Variants in CCSER1 observed in about 807,000 individuals in gnomAD.
CCSER1 encodes the protein serine-rich coiled-coil domain-containing protein 1.
CCSER1 carries 41 observed loss-of-function variants against 82.0 expected under a neutral mutation model. The ratio of observed to expected loss-of-function variants is 0.50; its 90% CI spans 0.39 to 0.65. The LOEUF (loss-of-function observed/expected upper bound fraction) is 0.65, where lower values mean the gene tolerates loss of function less well. Among genes scored for constraint, CCSER1 ranks in the 30% least tolerant of loss-of-function variants. The probability of loss-of-function intolerance (pLI) is 0.00; values close to 1 mark genes in which losing one functional copy is unlikely to be tolerated. For missense variants in CCSER1, 1,119 were observed against 1,064.2 expected, an observed-to-expected ratio of 1.05 and a Z score of -0.72; for synonymous variants, 414 against 383.9, an observed-to-expected ratio of 1.08 and a Z score of -0.92.
At chr4:90,911,285 G>A (rs1241433543) in intron 8 of CCSER1, 1 of 456,086 alleles carries the variant, frequency 2.2e-6, no homozygotes, top group Admixed American at 2.3e-5. Context: ...CATGAGAGGA[G>A]GTTTTATTTG....
intron 10 of CCSER1, among the ~76,000 whole-genome samples, chr4:91,519,711 T>C (rs1760346949): frequency 6.6e-6 from 1 of 152,202 alleles, no homozygotes; most frequent in Non-Finnish European, 1.5e-5. Context: ...TATTTCCCTA[T>C]GGAGGGGGTG....
intron 7 of CCSER1, among the ~76,000 whole-genome samples, chr4:90,728,555 C>T (rs1301219665): frequency 6.6e-6 from 1 of 152,094 alleles, no homozygotes; most frequent in African/African-American, 2.4e-5. Context: ...TTTTTGTAGG[C>T]TGGGTGTAGT....
chr4:91,546,846 A>G (rs184692600), intron 10 of CCSER1, among the ~76,000 whole-genome samples: 170 of 152,012 alleles, frequency 1.1e-3, no homozygotes, highest in African/African-American at 3.5e-3. Flanking sequence ...CCTTTTTTCT[A>G]ATATATGCAT....
rs542908468 is a variant in CCSER1, at chr4:90,763,676, G to A, written c.2010+39685G>A. Among the ~76,000 whole-genome samples the A allele has an allele frequency of 8.5e-5, 13 of 152,216 alleles. No homozygotes were observed. In the South Asian group the frequency reaches 1.5e-3, roughly 17 times the overall value. On this transcript the variant is annotated intron_variant, in intron 7 of 10. Transcript: ENST00000509176. ...GTTCTGCCCATTTCATGCCGTGCTA[G>A]AGATGTAAGCACTTTGGGAAGAACT...
intron 7 of CCSER1, among the ~76,000 whole-genome samples, chr4:90,815,386 C>T (rs1279680059): frequency 6.6e-6 from 1 of 152,132 alleles, no homozygotes; most frequent in African/African-American, 2.4e-5. Context: ...AGAGTTATTT[C>T]TGTTCTACTT....
chr4:90,527,404 C>T (rs1773926673), intron 5 of CCSER1, among the ~76,000 whole-genome samples: 1 of 152,162 alleles, frequency 6.6e-6, no homozygotes, highest in Admixed American at 6.5e-5. Flanking sequence ...GATATCATCT[C>T]ATGCCAGTTA....
intron 8 of CCSER1, among the ~76,000 whole-genome samples, chr4:90,906,034 C>T (rs892533855): frequency 6.6e-6 from 1 of 152,050 alleles, no homozygotes; most frequent in African/African-American, 2.4e-5. Context: ...TACAGATACT[C>T]ATTAAATATT....
At chr4:91,134,703 A>G (rs1728300841) in intron 10 of CCSER1, among the ~76,000 whole-genome samples, 1 of 152,186 alleles carries the variant, frequency 6.6e-6, no homozygotes, top group South Asian at 2.1e-4. Context: ...GCAGACAACA[A>G]TCTTCAATGA....
chr4:91,057,705 T>G (rs1349836729), intron 9 of CCSER1, among the ~76,000 whole-genome samples: 1 of 152,152 alleles, frequency 6.6e-6, no homozygotes, highest in Non-Finnish European at 1.5e-5. Flanking sequence ...ATTCCAAATT[T>G]AAACTTAGGT....
At chr4:91,049,031 A>G (rs534881483) in intron 9 of CCSER1, among the ~76,000 whole-genome samples, 3 of 152,306 alleles carry the variant, frequency 2.0e-5, no homozygotes, top group Admixed American at 2.0e-4. Flanking sequence ...TGATTTTAAA[A>G]GACTAACAAT....
chr4:91,567,698 CCT>C (rs1762958208), intron 10 of CCSER1, among the ~76,000 whole-genome samples: 1 of 150,810 alleles, frequency 6.6e-6, no homozygotes, highest in African/African-American at 2.4e-5. Flanking sequence ...GATTACTACC[CCT>C]GTTTTTTTTC....
intron 9 of CCSER1, among the ~76,000 whole-genome samples, chr4:91,022,493 A>G (rs965112362): frequency 2.6e-5 from 4 of 152,190 alleles, no homozygotes; most frequent in Admixed American, 6.5e-5. Context: ...TCTTTATAGC[A>G]GCATGATTTA....
At chr4:90,394,582 T>C (rs1028658365) in intron 3 of CCSER1, among the ~76,000 whole-genome samples, 2 of 152,198 alleles carry the variant, frequency 1.3e-5, no homozygotes, top group African/African-American at 4.8e-5. Context: ...ACATAAATCT[T>C]ACATACCAAT....
At chr4:90,520,899 C>T (rs1773029281) in intron 5 of CCSER1, among the ~76,000 whole-genome samples, 1 of 151,968 alleles carries the variant, frequency 6.6e-6, no homozygotes, top group African/African-American at 2.4e-5. Flanking sequence ...GGAGTGAGAC[C>T]CCATCTTGTA....
chr4:91,034,062 T>A (rs1281784251), intron 9 of CCSER1, among the ~76,000 whole-genome samples: 1 of 152,186 alleles, frequency 6.6e-6, no homozygotes, highest in Non-Finnish European at 1.5e-5. Context: ...ACCAGCACTA[T>A]TTTATAAATC....
intron 8 of CCSER1, among the ~76,000 whole-genome samples, chr4:90,837,857 G>A (rs538716046): frequency 1.3e-5 from 2 of 152,144 alleles, no homozygotes; most frequent in Non-Finnish European, 2.9e-5. Context: ...GTAACCATGA[G>A]TAAGGATGAT....
At chr4:90,451,812 A>G (rs945570278) in intron 4 of CCSER1, among the ~76,000 whole-genome samples, 2 of 152,090 alleles carry the variant, frequency 1.3e-5, no homozygotes, top group African/African-American at 4.8e-5. Context: ...CAGCTATTTT[A>G]TGCATCCCCT....
At chr4:91,084,264 T>C (rs973168272) in intron 9 of CCSER1, among the ~76,000 whole-genome samples, 2 of 152,140 alleles carry the variant, frequency 1.3e-5, no homozygotes, top group African/African-American at 4.8e-5. Flanking sequence ...TAATTATACA[T>C]GTGTAATAAT....
intron 4 of CCSER1, among the ~76,000 whole-genome samples, chr4:90,460,794 G>T (rs1762799534): frequency 6.6e-6 from 1 of 152,088 alleles, no homozygotes; most frequent in Non-Finnish European, 1.5e-5. Context: ...TACTGTGGCT[G>T]TATTTTCTGA....
Sources: allele counts gnomAD v4.1 joint callset (sites outside exome capture counted in the v4.1 genomes callset), GRCh38; gene constraint gnomAD v4.1.1; transcripts MANE v1.5; gene names NCBI Gene and HGNC (gene_info 2026-07-23, HGNC 2026-07-21).